The following SMCO2 variants were observed in gnomAD, a reference collection of about 807,000 sequenced individuals.
SMCO2 encodes the protein single-pass membrane protein with coiled-coil domains 2, also known as single-pass membrane and coiled-coil domain-containing protein 2.
Under a neutral mutation model 29.5 loss-of-function variants are expected in SMCO2, and 25 were observed. The observed-to-expected ratio is 0.85, with a 90% confidence interval of 0.62 to 1.18. The LOEUF is 1.18. Ranked by LOEUF, SMCO2 falls within the 50% of genes most tolerant of loss-of-function variation. The pLI is 0.00. For synonymous variants in SMCO2, 117 were observed against 123.3 expected, an observed-to-expected ratio of 0.95 and a Z score of 0.34; for missense variants, 348 against 344.5, an observed-to-expected ratio of 1.01 and a Z score of -0.08.
At chr12:27,494,200 T>C in intron 5 of SMCO2, 100 bp from the exon 7 acceptor site, 1 of 705,944 alleles carries the variant, frequency 1.4e-6, no homozygotes. Flanking sequence ...TAAACTTCAA[T>C]GAAGCATTTT....
the SMCO2 span, among the ~76,000 whole-genome samples, chr12:27,456,519 AGCG>A: frequency 5.8e-4 from 89 of 152,324 alleles, no homozygotes; most frequent in Admixed American, 9.2e-4. Flanking sequence ...CCTGGGCTCA[AGCG>A]ATCCTCCCAC....
At chr12:27,470,540 AAGTT>A in intron 1 of SMCO2, 78 bp from the exon 2 acceptor site, 1 of 1,446,158 alleles carries the variant, frequency 6.9e-7, no homozygotes, top group Non-Finnish European at 9.3e-7. Context: ...CCTGAGGAAG[AAGTT>A]AGTCTGGTGT....
chr12:27,458,962 C>A, the SMCO2 span, among the ~76,000 whole-genome samples: 1 of 150,444 alleles, frequency 6.6e-6, no homozygotes, highest in East Asian at 2.0e-4. Context: ...CCGAGGCGGG[C>A]AGATCACGAT....
chr12:27,450,429 G>A, the SMCO2 span, among the ~76,000 whole-genome samples: 2 of 152,098 alleles, frequency 1.3e-5, no homozygotes, highest in Non-Finnish European at 2.9e-5. Context: ...TCAACTAGCT[G>A]AGGCTTCTTC....
intron 7 of SMCO2, 115 bp downstream of exon 8, chr12:27,495,970 G>T (rs1017530921): frequency 3.7e-6 from 4 of 1,091,920 alleles, no homozygotes; most frequent in African/African-American, 1.7e-5. Flanking sequence ...ATTTTCGTTT[G>T]TAAATTATCT....
intron 4 of SMCO2, among the ~76,000 whole-genome samples, chr12:27,485,627 A>G (rs1293293419): frequency 6.6e-6 from 1 of 151,760 alleles, no homozygotes; most frequent in Non-Finnish European, 1.5e-5. Flanking sequence ...TAGTATTTTT[A>G]GTAGAGATGG....
chr12:27,485,974 C>G (rs185161258), intron 4 of SMCO2, among the ~76,000 whole-genome samples: 1 of 152,182 alleles, frequency 6.6e-6, no homozygotes, highest in African/African-American at 2.4e-5. Flanking sequence ...ACCAAAGCAG[C>G]CTTTAGTCTA....
At chr12:27,470,795 T>C (rs396407) in intron 2 of SMCO2, 30 bp downstream of exon 2, 168,135 of 1,545,892 alleles carry the variant, frequency 0.11, 10,203 homozygotes, top group African/African-American at 0.22. Flanking sequence ...GCAGAAGCAG[T>C]TTCTAGGGTC....
chr12:27,453,846 T>C, the SMCO2 span, among the ~76,000 whole-genome samples: 1 of 152,192 alleles, frequency 6.6e-6, no homozygotes, highest in African/African-American at 2.4e-5. Context: ...ATTATAAGAC[T>C]TGCCAAACTT....
upstream of SMCO2, among the ~76,000 whole-genome samples, chr12:27,464,717 A>G (rs645791): frequency 8.2e-3 from 799 of 96,880 alleles, 3 homozygotes; most frequent in Non-Finnish European, 0.013. Context: ...ACCCTGTCTC[A>G]AAAAAAAAAA....
At chr12:27,501,885 C>T in intron 7 of SMCO2, 38 bp from the exon 9 acceptor site, 1 of 1,422,972 alleles carries the variant, frequency 7.0e-7, no homozygotes, top group Non-Finnish European at 9.3e-7. Flanking sequence ...TGATTATTTT[C>T]AGAATTTGGT....
chr12:27,463,216 C>T (rs773383001), upstream of SMCO2, among the ~76,000 whole-genome samples: 4 of 152,146 alleles, frequency 2.6e-5, no homozygotes, highest in East Asian at 1.9e-4. Context: ...TGATTCTTCC[C>T]GTAGGCTGGG....
At chr12:27,424,687 G>C in the SMCO2 span, 1 of 152,162 alleles carries the variant, frequency 6.6e-6, no homozygotes. Context: ...CCTCAGGTGG[G>C]TCATCACTGA....
At chr12:27,462,150 T>C (rs1373835524), upstream of SMCO2, among the ~76,000 whole-genome samples, 2 of 152,208 alleles carry the variant, frequency 1.3e-5, no homozygotes, top group Admixed American at 1.3e-4. Flanking sequence ...ATGATGTTTT[T>C]TTCCTAAATA....
intron 6 of SMCO2, among the ~76,000 whole-genome samples, chr12:27,494,903 A>G (rs972899271): frequency 2.0e-5 from 3 of 151,782 alleles, no homozygotes; most frequent in Admixed American, 1.3e-4. Flanking sequence ...TGCTACTTCT[A>G]CTTCTCATCC....
upstream of SMCO2, among the ~76,000 whole-genome samples, chr12:27,462,700 A>T (rs1371614370): frequency 6.6e-6 from 1 of 152,218 alleles, no homozygotes; most frequent in Admixed American, 6.5e-5. Context: ...GGCACATTCA[A>T]ACCAGAGTAG....
intron 4 of SMCO2, among the ~76,000 whole-genome samples, chr12:27,484,865 AAAAAAAATATAT>A (rs1949674801): frequency 8.9e-6 from 1 of 112,170 alleles, no homozygotes. Flanking sequence ...AAAAAAAAAA[AAAAAAAATATAT>A]ATATATATAT....
Position 27,470,548 on chromosome 12 carries a change from C to T in SMCO2, c.-10-74C>T. 6 of 1,477,482 alleles carry T rather than the reference C, an allele frequency of 4.1e-6. 1 individual carries two copies. The highest frequency in any genetic ancestry group is 4.5e-6 in the Non-Finnish European group (5 of 1,099,236). 91.5% of individuals were successfully genotyped at this position (1,477,482 alleles called of 1,614,324 possible). A position where few individuals can be genotyped will look rare whatever the true frequency, so the allele number is the denominator to read the frequency against. ...CAAATGCCCTGAGGAAGAAGTTAGT[C>T]TGGTGTCAATGAAGAGGATGTGGTT... On this transcript the variant is annotated intron_variant, in intron 1 of 7. Coordinates refer to ENST00000298876, the Ensembl canonical transcript of SMCO2.
At chr12:27,445,323 C>T in the SMCO2 span, among the ~76,000 whole-genome samples, 3 of 152,066 alleles carry the variant, frequency 2.0e-5, no homozygotes, top group African/African-American at 7.2e-5. Context: ...TACAGGAACC[C>T]AGTTTAATTT....
Sources: allele counts gnomAD v4.1 joint callset (sites outside exome capture counted in the v4.1 genomes callset), GRCh38; gene constraint gnomAD v4.1.1; transcripts MANE v1.5; gene names NCBI Gene and HGNC (gene_info 2026-07-23, HGNC 2026-07-21).